Variants in KCNA2 observed in about 807,000 individuals in gnomAD.
The protein encoded by KCNA2 is potassium voltage-gated channel subfamily A member 2.
Under a neutral mutation model 33.4 loss-of-function variants are expected in KCNA2, and 11 were observed. The ratio of observed to expected loss-of-function variants is 0.33; its 90% CI spans 0.21 to 0.55. The LOEUF (loss-of-function observed/expected upper bound fraction) is 0.55. Ranked by LOEUF, KCNA2 falls within the 20% of genes least tolerant of loss-of-function variation. The pLI is 0.93. For synonymous variants in KCNA2, 222 were observed against 231.3 expected (o/e 0.96, Z 0.37); for missense variants, 291 against 621.6 (o/e 0.47, Z 5.66).
Position 110,596,813 on chromosome 1 carries a change from G to T in KCNA2, c.*6470C>A. ...CCTGAGGTTTCCCCATCAGTTAACT[G>T]AGGTTTTGCTGTACATATGTGTATA... On this transcript the variant is annotated 3_prime_UTR_variant, in exon 3 of 3. Coordinates refer to ENST00000316361, the MANE Select transcript of KCNA2 (RefSeq NM_004974.4). 1.0e-6 allele frequency: 1 copy of T among 985,410 alleles called. No individual in the cohort carries two copies. Among genetic ancestry groups the T allele is most frequent in the Non-Finnish European group, 1.2e-6 (1 of 829,940 alleles). 61.0% of individuals were successfully genotyped at this position (985,410 alleles called of 1,614,324 possible). A position where few individuals can be genotyped will look rare whatever the true frequency, so the allele number is the denominator to read the frequency against.
chr1:110,627,662 A>C (rs966330971), intron 1 of KCNA2, among the ~76,000 whole-genome samples: 24 of 152,136 alleles, frequency 1.6e-4, no homozygotes, highest in Admixed American at 1.2e-3. Context: ...TGGGTAAGAA[A>C]GGAAAACAAA....
rs1649010549 is a variant in KCNA2 at position 110,594,484 on chromosome 1, T to A, written c.*8799A>T. The stretch of plus-strand genomic sequence containing the variant: ...ATGAAAACTAGAGAATCTTCCTTGA[T>A]TGCTGGCACCATTAATCGCAACTGT... On this transcript the variant is annotated 3_prime_UTR_variant, in exon 3 of 3. Coordinates refer to ENST00000316361, the MANE Select transcript of KCNA2 (RefSeq NM_004974.4). 1.0e-6 allele frequency: 1 copy of A among 985,404 alleles called. No homozygotes were observed. The highest frequency in any genetic ancestry group is 1.1e-4 in the East Asian group (1 of 8,804). The allele number at this position is 985,404 out of a possible 1,614,324, so 61.0% of individuals were successfully genotyped here.
In KCNA2 at chr1:110,603,164, A is replaced by G. The variant is rs537152322; in HGVS notation, c.*119T>C. 12 of 1,475,778 alleles carry G rather than the reference A, an allele frequency of 8.1e-6. No homozygotes were observed. In the African/African-American group the frequency reaches 1.4e-4, roughly 17 times the overall value. 91.4% of individuals were successfully genotyped at this position (1,475,778 alleles called of 1,614,324 possible). A position where few individuals can be genotyped will look rare whatever the true frequency, so the allele number is the denominator to read the frequency against. On this transcript the variant is annotated 3_prime_UTR_variant, in exon 3 of 3. Coordinates refer to ENST00000316361, the MANE Select transcript of KCNA2 (RefSeq NM_004974.4). The surrounding 1 kb of genome is among the most constrained non-coding windows in gnomAD (Gnocchi z 5.7). ...TCAAAAGATCAAAAGTCACTTGCAC[A>G]ACTATTGCTTTCCATGCAGAACCAG...
chr1:110,596,891 C>T lies in KCNA2; in HGVS notation c.*6392G>A, dbSNP rs772729582. ...ATGGGACCCTGGGGTTGCCAGCCTTCCCTGATTGTCCAGTCTGAACATTTA... is the reference window on the plus strand; with the variant it reads ...ATGGGACCCTGGGGTTGCCAGCCTTTCCTGATTGTCCAGTCTGAACATTTA... On this transcript the variant is annotated 3_prime_UTR_variant, in exon 3 of 3. Transcript: ENST00000316361. 23 of 985,328 alleles carry T rather than the reference C, an allele frequency of 2.3e-5. No homozygotes were observed. The highest frequency in any genetic ancestry group is 2.7e-5 in the Non-Finnish European group (22 of 829,962). 61.0% of individuals were successfully genotyped at this position (985,328 alleles called of 1,614,324 possible).
chr1:110,602,050 A>T lies in KCNA2; in HGVS notation c.*1233T>A, dbSNP rs1205290341. On this transcript the variant is annotated 3_prime_UTR_variant, in exon 3 of 3. Coordinates refer to ENST00000316361, the MANE Select transcript of KCNA2 (RefSeq NM_004974.4). ...CAGACCTGCCTGTCATCAGGACCAG[A>T]TGCCCTGGTCCACTGTACAGTCATG... 11 of 1,549,794 alleles carry T rather than the reference A, an allele frequency of 7.1e-6. No individual in the cohort carries two copies. Among genetic ancestry groups the T allele is most frequent in the Non-Finnish European group, 9.6e-6 (11 of 1,146,298 alleles).
At chr1:110,608,401 C>G (rs1397787651), upstream of KCNA2, among the ~76,000 whole-genome samples, 1 of 152,212 alleles carries the variant, frequency 6.6e-6, no homozygotes, top group Non-Finnish European at 1.5e-5. Flanking sequence ...ACACGGAGCT[C>G]TGGATTCAGA....
At position 110,603,233 on chromosome 1, in the gene KCNA2, C is replaced by A. The variant is rs1213491174; in HGVS notation, c.*50G>T. 9 of 1,551,680 alleles carry A rather than the reference C, an allele frequency of 5.8e-6. No homozygotes were observed. The highest frequency in any genetic ancestry group is 7.8e-6 in the Non-Finnish European group (9 of 1,150,668). On this transcript the variant is annotated 3_prime_UTR_variant, in exon 3 of 3. Coordinates refer to ENST00000316361, the MANE Select transcript of KCNA2 (RefSeq NM_004974.4). This position sits in a 1 kb window ranked among gnomAD's most constrained non-coding sequence, Gnocchi z 5.7. Reference sequence around the variant, plus strand: ...ACTGACTACAATGCAGGCTATTATGCAACATCTGCATTAGTTCCATTGAGC... The same window carrying A: ...ACTGACTACAATGCAGGCTATTATGAAACATCTGCATTAGTTCCATTGAGC...
At position 110,596,835 on chromosome 1, in the gene KCNA2, T is replaced by C. The variant is rs1003673556; in HGVS notation, c.*6448A>G. 22 of 985,380 alleles carry C rather than the reference T, an allele frequency of 2.2e-5. No homozygotes were observed. Among genetic ancestry groups the C allele is most frequent in the Non-Finnish European group, 2.2e-5 (18 of 829,898 alleles). The allele number at this position is 985,380 out of a possible 1,614,324, so 61.0% of individuals were successfully genotyped here. A position where few individuals can be genotyped will look rare whatever the true frequency, so the allele number is the denominator to read the frequency against. ...ACTGAGGTTTTGCTGTACATATGTGTATAGAGCAAGGTAGATCAAAAAAGG... is the reference window on the plus strand; with the variant it reads ...ACTGAGGTTTTGCTGTACATATGTGCATAGAGCAAGGTAGATCAAAAAAGG... On this transcript the variant is annotated 3_prime_UTR_variant, in exon 3 of 3. Transcript: ENST00000316361.
At position 110,595,408 on chromosome 1, in the gene KCNA2, T is replaced by A. The variant is rs1303552083; in HGVS notation, c.*7875A>T. 1.0e-6 allele frequency: 1 copy of A among 985,352 alleles called. No homozygotes were observed. Among genetic ancestry groups the A allele is most frequent in the East Asian group, 1.1e-4 (1 of 8,836 alleles). The allele number at this position is 985,352 out of a possible 1,614,324, so 61.0% of individuals were successfully genotyped here. On this transcript the variant is annotated 3_prime_UTR_variant, in exon 3 of 3. Transcript: ENST00000316361. ...AGCTGGTCATGTCAAGTCTGGGTTA[T>A]GGGCTTCTGCTGCCTGATCACAACT...
chr1:110,625,965 C>G (rs1285345924), intron 1 of KCNA2, among the ~76,000 whole-genome samples: 4 of 152,100 alleles, frequency 2.6e-5, no homozygotes, highest in Non-Finnish European at 5.9e-5. Flanking sequence ...TTTCTGTGCT[C>G]TGAAGAAACA....
chr1:110,599,447 G>T lies in KCNA2; in HGVS notation c.*3836C>A, dbSNP rs1166417851. 4 of 985,392 alleles carry T rather than the reference G, an allele frequency of 4.1e-6. No homozygotes were observed. The highest frequency in any genetic ancestry group is 1.7e-5 in the African/African-American group (1 of 57,364). 61.0% of individuals were successfully genotyped at this position (985,392 alleles called of 1,614,324 possible). ...GCATAGCAATTGGATGGGAGGCAGG[G>T]CATCCAGGGGAGCCCAACAAGAGGA... On this transcript the variant is annotated 3_prime_UTR_variant, in exon 3 of 3. Transcript: ENST00000316361.
At chr1:110,622,829 A>G (rs1650294331) in intron 1 of KCNA2, among the ~76,000 whole-genome samples, 1 of 152,228 alleles carries the variant, frequency 6.6e-6, no homozygotes, top group Non-Finnish European at 1.5e-5. Flanking sequence ...GGTAGAAATG[A>G]AAGACCTAAA....
Position 110,595,529 on chromosome 1 carries a change from C to A in KCNA2, c.*7754G>T. The A allele has an allele frequency of 1.0e-6, 1 of 985,474 alleles. No individual in the cohort carries two copies. The allele number at this position is 985,474 out of a possible 1,614,324, so 61.0% of individuals were successfully genotyped here. A position where few individuals can be genotyped will look rare whatever the true frequency, so the allele number is the denominator to read the frequency against. The stretch of plus-strand genomic sequence containing the variant: ...TCCAGATACAGTGAAAAATCCCTCC[C>A]ACTCCCATCTAGGTAGAAAGCAACA... On this transcript the variant is annotated 3_prime_UTR_variant, in exon 3 of 3. Coordinates refer to ENST00000316361, the MANE Select transcript of KCNA2 (RefSeq NM_004974.4).
At chr1:110,627,654 G>A (rs1650434240) in intron 1 of KCNA2, among the ~76,000 whole-genome samples, 1 of 151,818 alleles carries the variant, frequency 6.6e-6, no homozygotes, top group African/African-American at 2.4e-5. Flanking sequence ...GAAGAAAGTG[G>A]GTAAGAAAGG....
rs1195644614 is a variant in KCNA2, at chr1:110,593,655, A to T, written c.*9628T>A. ...TAAATCCCCAGTAATATATATTTAT[A>T]TACTTATTTACTTGTGTCAATATTT... is the stretch of plus-strand genomic sequence containing the variant. On this transcript the variant is annotated 3_prime_UTR_variant, in exon 3 of 3. Transcript: ENST00000316361. The T allele has an allele frequency of 2.6e-6, 1 of 380,198 alleles. No individual in the cohort carries two copies. Among genetic ancestry groups the T allele is most frequent in the African/African-American group, 2.1e-5 (1 of 48,122 alleles). The allele number at this position is 380,198 out of a possible 1,614,324, so 23.6% of individuals were successfully genotyped here. A position where few individuals can be genotyped will look rare whatever the true frequency, so the allele number is the denominator to read the frequency against.
rs1649352506 is a variant in KCNA2, at chr1:110,601,731, C to T, written c.*1552G>A. 8.5e-7 allele frequency: 1 copy of T among 1,172,006 alleles called. No homozygotes were observed. Among genetic ancestry groups the T allele is most frequent in the Non-Finnish European group, 1.0e-6 (1 of 952,568 alleles). The allele number at this position is 1,172,006 out of a possible 1,614,324, so 72.6% of individuals were successfully genotyped here. A position where few individuals can be genotyped will look rare whatever the true frequency, so the allele number is the denominator to read the frequency against. ...CCCATTAGGCCTCTTAGACAGCCAA[C>T]CCACCAAGCAGTGGATTTGCTCCTG... On this transcript the variant is annotated 3_prime_UTR_variant, in exon 3 of 3. Coordinates refer to ENST00000316361, the MANE Select transcript of KCNA2 (RefSeq NM_004974.4).
intron 2 of KCNA2, 110 bp downstream of exon 2, chr1:110,605,281 C>T (rs942264179): frequency 1.3e-5 from 2 of 156,958 alleles, no homozygotes; most frequent in African/African-American, 4.8e-5. Flanking sequence ...CTCAGATACT[C>T]ATACCCAGGG....
In KCNA2 at chr1:110,604,394, T is replaced by A; in HGVS notation, c.389A>T (p.Glu130Val). The A allele has an allele frequency of 6.2e-7, 1 of 1,614,160 alleles. No individual in the cohort carries two copies. Among genetic ancestry groups the A allele is most frequent in the Non-Finnish European group, 8.5e-7 (1 of 1,180,032 alleles). ...ACGCTCTTCCTCCTTGATGTAGCCTTCATCTTCCCGAAACATCTCCATCGC... is the reference window on the plus strand; with the variant it reads ...ACGCTCTTCCTCCTTGATGTAGCCTACATCTTCCCGAAACATCTCCATCGC... ...EEAMEMFRED[E>V]GYIKEEERPL... Residue 130 changes from glutamate (E) to valine (V), a missense_variant, in exon 3 of 3, where the codon GAA becomes GTA. Physicochemically the swap from Glu to Val is moderately radical, Grantham distance 121. Transcript: ENST00000316361. The surrounding 1 kb of genome is among the most constrained non-coding windows in gnomAD (Gnocchi z 7.6).
upstream of KCNA2, among the ~76,000 whole-genome samples, chr1:110,610,613 C>A (rs1211565442): frequency 6.6e-6 from 1 of 152,216 alleles, no homozygotes; most frequent in African/African-American, 2.4e-5. Flanking sequence ...TGGAACAGAT[C>A]AAGACTGTGT....
Sources: allele counts gnomAD v4.1 joint callset (sites outside exome capture counted in the v4.1 genomes callset), GRCh38; gene constraint gnomAD v4.1.1; non-coding constraint Gnocchi (gnomAD v3.1); transcripts MANE v1.5; gene names NCBI Gene and HGNC (gene_info 2026-07-23, HGNC 2026-07-21).